The following CRTC3 variants were observed in gnomAD, a reference collection of about 807,000 sequenced individuals.
CRTC3 encodes the protein CREB-regulated transcription coactivator 3.
CRTC3 carries 26 observed loss-of-function variants against 74.5 expected under a neutral mutation model. That is an observed-to-expected ratio of 0.35 (90% CI 0.26 to 0.48). The LOEUF (loss-of-function observed/expected upper bound fraction) is 0.48. CRTC3 is among the 20% of genes least tolerant of loss of function. The pLI is 0.99. For missense variants in CRTC3, 760 were observed against 787.3 expected, an observed-to-expected ratio of 0.97 and a Z score of 0.41; for synonymous variants, 377 against 325.8, an observed-to-expected ratio of 1.16 and a Z score of -1.69.
At position 90,530,038 on chromosome 15, in the gene CRTC3, C is replaced by T. The variant is rs747689592; in HGVS notation, c.-34C>T. ...GCCGAGGTACAGGCCCCACGGCCGCCGTCTCCCGCTTCTGCCCGCGCAGAG... is the reference window on the plus strand; with the variant it reads ...GCCGAGGTACAGGCCCCACGGCCGCTGTCTCCCGCTTCTGCCCGCGCAGAG... On this transcript the variant is annotated 5_prime_UTR_variant, in exon 1 of 15. Coordinates refer to ENST00000268184, the MANE Select transcript of CRTC3 (RefSeq NM_022769.5). The surrounding 1 kb of genome is among the most constrained non-coding windows in gnomAD (Gnocchi z 6.2). The T allele has an allele frequency of 2.9e-6, 4 of 1,386,624 alleles. No homozygotes were observed. The highest frequency in any genetic ancestry group is 3.1e-5 in the African/African-American group (2 of 64,996). The allele number at this position is 1,386,624 out of a possible 1,614,324, so 85.9% of individuals were successfully genotyped here.
chr15:90,549,957 G>C (rs1340869659), intron 2 of CRTC3, among the ~76,000 whole-genome samples: 1 of 150,492 alleles, frequency 6.6e-6, no homozygotes, highest in Non-Finnish European at 1.5e-5. Flanking sequence ...GCCCGCCCTG[G>C]CCTCCCAAAG....
chr15:90,627,848 T>C (rs1462788965), intron 10 of CRTC3, among the ~76,000 whole-genome samples: 2 of 74,576 alleles, frequency 2.7e-5, no homozygotes, highest in Non-Finnish European at 7.0e-5. Context: ...TCTCCTGACC[T>C]CATGATCCAC....
At chr15:90,590,307 A>G (rs534503879) in intron 2 of CRTC3, among the ~76,000 whole-genome samples, 1 of 152,260 alleles carries the variant, frequency 6.6e-6, no homozygotes, top group South Asian at 2.1e-4. Context: ...AAATAATAAT[A>G]AAATAAATAA....
intron 2 of CRTC3, among the ~76,000 whole-genome samples, chr15:90,574,501 A>G (rs1006485966): frequency 1.3e-5 from 2 of 151,388 alleles, no homozygotes; most frequent in Admixed American, 6.6e-5. Context: ...CAAAAAAACT[A>G]TGCTTCAATG....
chr15:90,611,259 G>A (rs919978438), intron 6 of CRTC3, among the ~76,000 whole-genome samples: 11 of 152,118 alleles, frequency 7.2e-5, no homozygotes, highest in African/African-American at 2.7e-4. Context: ...TCAAGGCTGT[G>A]TAGGGAGTTA....
At chr15:90,618,217 A>AAC (rs1555452263) in intron 8 of CRTC3, 2 of 251,128 alleles carry the variant, frequency 8.0e-6, no homozygotes, top group Non-Finnish European at 7.6e-6. Context: ...AAAAAAAAAA[A>AAC]AAAAACCCTG....
At chr15:90,609,970 G>A (rs936589929) in intron 6 of CRTC3, among the ~76,000 whole-genome samples, 11 of 152,164 alleles carry the variant, frequency 7.2e-5, no homozygotes, top group African/African-American at 2.4e-4. Context: ...TGAACTGTGT[G>A]CCTGCTCCTG....
chr15:90,593,109 C>T (rs9806207), intron 2 of CRTC3, among the ~76,000 whole-genome samples: 43 of 152,198 alleles, frequency 2.8e-4, no homozygotes, highest in African/African-American at 9.6e-4. Flanking sequence ...GCTGAGATCA[C>T]GCCATTGCAC....
chr15:90,575,672 G>T (rs553206088), intron 2 of CRTC3, among the ~76,000 whole-genome samples: 2 of 152,052 alleles, frequency 1.3e-5, no homozygotes, highest in African/African-American at 4.8e-5. Flanking sequence ...ATTAATCTGC[G>T]TGTCTATTCA....
intron 2 of CRTC3, among the ~76,000 whole-genome samples, chr15:90,565,347 G>A (rs1008256671): frequency 3.3e-5 from 5 of 152,164 alleles, no homozygotes; most frequent in African/African-American, 9.7e-5. Context: ...TAATGTATAC[G>A]AAGCATCTAA....
At chr15:90,592,798 C>T (rs1567176428) in intron 2 of CRTC3, among the ~76,000 whole-genome samples, 2 of 152,164 alleles carry the variant, frequency 1.3e-5, no homozygotes, top group African/African-American at 4.8e-5. Flanking sequence ...GTCCCATCTA[C>T]AGGGAGCAGC....
At position 90,530,209 on chromosome 15, in the gene CRTC3, GGC is replaced by G; in HGVS notation, c.132+7_132+8del. The G allele has an allele frequency of 8.5e-7, 1 of 1,172,114 alleles. No individual in the cohort carries two copies. The highest frequency in any genetic ancestry group is 1.1e-6 in the Non-Finnish European group (1 of 937,074). 72.6% of individuals were successfully genotyped at this position (1,172,114 alleles called of 1,614,324 possible). On this transcript the variant is annotated splice_region_variant and intron_variant, in intron 1 of 14. Transcript: ENST00000268184. The surrounding 1 kb of genome is among the most constrained non-coding windows in gnomAD (Gnocchi z 6.2). ...CCGACCTCACCCTGTCGCGGGTGAG[GGC>G]CCGGGCCGGCGCGGGCGGGGGCGGC...
intron 2 of CRTC3, among the ~76,000 whole-genome samples, chr15:90,577,693 G>A (rs576536711): frequency 2.1e-4 from 32 of 152,232 alleles, no homozygotes; most frequent in East Asian, 1.3e-3. Context: ...ATATCATCCA[G>A]CCATAAAAAA....
At position 90,642,283 on chromosome 15, in the gene CRTC3, C is replaced by A; in HGVS notation, c.*143C>A. 1.5e-6 allele frequency: 1 copy of A among 675,278 alleles called. No individual in the cohort carries two copies. 41.8% of individuals were successfully genotyped at this position (675,278 alleles called of 1,614,324 possible). On this transcript the variant is annotated 3_prime_UTR_variant, in exon 15 of 15. Coordinates refer to ENST00000268184, the MANE Select transcript of CRTC3 (RefSeq NM_022769.5). ...ACGGCTCCAGGGTTTCAGATGAGAT[C>A]CCATCTCAGACACTGTGGCTTCCTC... is the stretch of plus-strand genomic sequence containing the variant.
intron 2 of CRTC3, among the ~76,000 whole-genome samples, chr15:90,556,336 T>G (rs1323295069): frequency 6.6e-6 from 1 of 152,178 alleles, no homozygotes; most frequent in Non-Finnish European, 1.5e-5. Flanking sequence ...GGTAGAAATA[T>G]CGCCACCGTT....
intron 2 of CRTC3, among the ~76,000 whole-genome samples, chr15:90,542,847 C>T (rs981252287): frequency 1.3e-5 from 2 of 152,154 alleles, no homozygotes; most frequent in Non-Finnish European, 2.9e-5. Context: ...GTAGATATAA[C>T]CCCTCAATTG....
chr15:90,644,293 G>C lies in CRTC3; in HGVS notation c.*2153G>C. 1 of 229,904 alleles carries C rather than the reference G, an allele frequency of 4.3e-6. No homozygotes were observed. Among genetic ancestry groups the C allele is most frequent in the Non-Finnish European group, 8.6e-6 (1 of 115,970 alleles). The allele number at this position is 229,904 out of a possible 1,614,324, so 14.2% of individuals were successfully genotyped here. ...CATGTGCCAAAAGAAACCAGCTCCT[G>C]TGTCAAAGGGCTTCCAAACCTGATC... is the stretch of plus-strand genomic sequence containing the variant. On this transcript the variant is annotated 3_prime_UTR_variant, in exon 15 of 15. Transcript: ENST00000268184.
At position 90,604,406 on chromosome 15, in the gene CRTC3, C is replaced by T. The variant is rs377234981; in HGVS notation, c.435C>T (p.Asp145=). 21 of 1,613,868 alleles carry T rather than the reference C, an allele frequency of 1.3e-5. No individual in the cohort carries two copies. The highest frequency in any genetic ancestry group is 3.3e-5 in the South Asian group (3 of 91,084). ...SWPRQQPPWK[D]EKHPGFRLTS... is the part of the protein sequence containing the mutation. ...AAAGGCAGCAGCCTCCTTGGAAAGA[C>T]GAAAAGCATCCTGGGTTCAGGCTGA... Residue 145 remains aspartate, a synonymous_variant, in exon 5 of 15, where the codon GAC becomes GAT. Transcript: ENST00000268184.
intron 9 of CRTC3, among the ~76,000 whole-genome samples, chr15:90,623,223 G>C (rs762899139): frequency 6.6e-6 from 1 of 152,108 alleles, no homozygotes; most frequent in African/African-American, 2.4e-5. Flanking sequence ...CTTTCTGAAA[G>C]CATATTTACT....
Sources: allele counts gnomAD v4.1 joint callset (sites outside exome capture counted in the v4.1 genomes callset), GRCh38; gene constraint gnomAD v4.1.1; non-coding constraint Gnocchi (gnomAD v3.1); transcripts MANE v1.5; gene names NCBI Gene and HGNC (gene_info 2026-07-23, HGNC 2026-07-21).